Variants in CYP20A1 observed in about 807,000 individuals in gnomAD.
CYP20A1 encodes cytochrome P450 20A1.
In CYP20A1, 61 loss-of-function variants were observed where a neutral mutation model predicts 61.4. The observed-to-expected ratio is 0.99, with a 90% CI of 0.81 to 1.23. The LOEUF is 1.23. CYP20A1 is among the 50% of genes most tolerant of loss of function. The probability of loss-of-function intolerance (pLI) is 0.00; values close to 1 mark genes in which losing one functional copy is unlikely to be tolerated. For synonymous variants in CYP20A1, 193 were observed against 188.2 expected (o/e 1.03, Z -0.21); for missense variants, 530 against 542.4 (o/e 0.98, Z 0.23).
chr2:203,247,654 C>T (rs1157262684), intron 3 of CYP20A1, among the ~76,000 whole-genome samples: 2 of 151,802 alleles, frequency 1.3e-5, no homozygotes, highest in South Asian at 2.1e-4. Flanking sequence ...GTCAGGAGAT[C>T]GAGACCATCC....
intron 1 of CYP20A1, among the ~76,000 whole-genome samples, chr2:203,244,623 G>C (rs373034538): frequency 3.3e-5 from 5 of 151,018 alleles, no homozygotes; most frequent in African/African-American, 1.2e-4. Context: ...CAAAGAAAAC[G>C]ACGAAAAATG....
At position 203,280,128 on chromosome 2, in the gene CYP20A1, ATTTC is replaced by A. The variant is rs1206292465; in HGVS notation, c.850+19_850+22del. On this transcript the variant is annotated intron_variant, in intron 8 of 12. Transcript: ENST00000356079. The stretch of plus-strand genomic sequence containing the variant: ...AACTGCAAAATGTAAGTATAAATTG[ATTTC>A]TTTTTCAGAGGAATTACTAAATATA... 11 of 1,589,162 alleles carry A rather than the reference ATTTC, an allele frequency of 6.9e-6. No homozygotes were observed. The highest frequency in any genetic ancestry group is 1.7e-6 in the Non-Finnish European group (2 of 1,164,244).
chr2:203,269,328 G>A (rs924444823), intron 5 of CYP20A1, among the ~76,000 whole-genome samples: 17 of 142,054 alleles, frequency 1.2e-4, no homozygotes, highest in African/African-American at 3.9e-4. Context: ...TGGCATGCAC[G>A]CCTGTAGTCC....
chr2:203,275,277 G>T (rs2067767942), intron 6 of CYP20A1, among the ~76,000 whole-genome samples: 1 of 152,144 alleles, frequency 6.6e-6, no homozygotes, highest in African/African-American at 2.4e-5. Flanking sequence ...TAAAAATATT[G>T]AAGCCTGACT....
Position 203,299,829 on chromosome 2 carries a change from G to C in CYP20A1, c.*2921G>C, listed in dbSNP as rs56202721. On this transcript the variant is annotated 3_prime_UTR_variant, in exon 13 of 13. Transcript: ENST00000356079. ...GCAGAGGTTGCGGTGAGCCAAGATC[G>C]CGCCATTGCACTCCAGCCTGGGCAA... is the stretch of plus-strand genomic sequence containing the variant. Among the ~76,000 whole-genome samples the C allele has an allele frequency of 3.7e-4, 56 of 151,734 alleles. No individual in the cohort carries two copies. Among genetic ancestry groups the C allele is most frequent in the Non-Finnish European group, 7.4e-4 (50 of 67,956 alleles).
At chr2:203,277,347 CA>C (rs770006366) in intron 6 of CYP20A1, among the ~76,000 whole-genome samples, 3 of 31,690 alleles carry the variant, frequency 9.5e-5, no homozygotes, top group African/African-American at 1.5e-4. Flanking sequence ...CACTCTGTCT[CA>C]AAAAAAAAAA....
At chr2:203,242,803 A>G (rs1276934289) in intron 1 of CYP20A1, among the ~76,000 whole-genome samples, 8 of 151,922 alleles carry the variant, frequency 5.3e-5, no homozygotes, top group Non-Finnish European at 1.2e-4. Flanking sequence ...AAAAAAAAAA[A>G]GCTTAGGTTG....
chr2:203,239,744 C>T (rs1041271279), intron 1 of CYP20A1, among the ~76,000 whole-genome samples: 1 of 152,208 alleles, frequency 6.6e-6, no homozygotes, highest in Non-Finnish European at 1.5e-5. Flanking sequence ...GACGCCTCTG[C>T]GAGCCTCCGG....
intron 1 of CYP20A1, 99 bp downstream of exon 1, chr2:203,239,233 GGCC>G (rs1329349105): frequency 5.8e-6 from 6 of 1,031,560 alleles, no homozygotes; most frequent in African/African-American, 1.6e-5. Context: ...GCAGGGGGCG[GGCC>G]TGAGAGGAGG....
chr2:203,279,747 A>G (rs959599432), intron 7 of CYP20A1, among the ~76,000 whole-genome samples: 1 of 152,206 alleles, frequency 6.6e-6, no homozygotes. Flanking sequence ...ATCATGAACC[A>G]GTAATACTCA....
intron 6 of CYP20A1, among the ~76,000 whole-genome samples, chr2:203,277,086 T>C (rs550087765): frequency 1.8e-4 from 28 of 151,614 alleles, no homozygotes; most frequent in African/African-American, 6.0e-4. Flanking sequence ...TGGTGGCTCA[T>C]GCCTGTAATC....
chr2:203,242,790 C>CAA (rs949662533), intron 1 of CYP20A1, among the ~76,000 whole-genome samples: 3 of 131,656 alleles, frequency 2.3e-5, no homozygotes, highest in Non-Finnish European at 3.3e-5. Context: ...GACCATGTCT[C>CAA]AAAAAAAAAA....
At chr2:203,246,606 A>G in intron 2 of CYP20A1, 149 bp from the exon 3 acceptor site, 1 of 726,220 alleles carries the variant, frequency 1.4e-6, no homozygotes, top group Non-Finnish European at 2.3e-6. Flanking sequence ...CAAGAAGGCA[A>G]ATATAATTGA....
In CYP20A1 at chr2:203,292,311, G is replaced by A. The variant is rs771209164; in HGVS notation, c.1133G>A (p.Trp378Ter). ...GTGGTACTTCAGGATCCTAATACTT[G>A]GCCATCTCCACACAAGTATGAAATA... ...LGVVLQDPNT[W>*]PSPHKFDPDR... The change falls in exon 11 of 13, where the codon TGG (tryptophan) becomes TAG (stop). Residue 378 changes from tryptophan (W) to a stop codon, truncating the protein, a stop_gained. Transcript: ENST00000356079. LOFTEE classifies it high-confidence loss of function. 6.2e-7 allele frequency: 1 copy of A among 1,610,200 alleles called. No individual in the cohort carries two copies.
At chr2:203,263,854 T>G (rs2067231706) in intron 4 of CYP20A1, among the ~76,000 whole-genome samples, 1 of 152,144 alleles carries the variant, frequency 6.6e-6, no homozygotes, top group Non-Finnish European at 1.5e-5. Flanking sequence ...GTAAATAAAA[T>G]GGTGTGCTCT....
At chr2:203,271,082 A>ATTTTTTTTTTTTTTTT (rs1161241853) in intron 5 of CYP20A1, among the ~76,000 whole-genome samples, 2 of 31,632 alleles carry the variant, frequency 6.3e-5, no homozygotes, top group Admixed American at 6.5e-4. Flanking sequence ...ATATATATAT[A>ATTTTTTTTTTTTTTTT]TTTTTTTTTT....
chr2:203,270,953 A>G (rs954922479), intron 5 of CYP20A1, among the ~76,000 whole-genome samples: 2 of 144,554 alleles, frequency 1.4e-5, no homozygotes, highest in East Asian at 2.0e-4. Flanking sequence ...TTGACCTCCC[A>G]AAGTGCTGGG....
intron 3 of CYP20A1, among the ~76,000 whole-genome samples, chr2:203,249,639 G>A (rs192441390): frequency 5.3e-5 from 8 of 152,144 alleles, no homozygotes; most frequent in African/African-American, 1.9e-4. Context: ...GAGGTCAGGA[G>A]TTCGAGACCA....
chr2:203,289,048 T>C (rs2068422036), intron 9 of CYP20A1, among the ~76,000 whole-genome samples: 1 of 152,218 alleles, frequency 6.6e-6, no homozygotes, highest in Admixed American at 6.5e-5. Context: ...TTTACCAGTT[T>C]ATACTTCCAC....
Sources: gnomAD v4.1 joint callset for allele counts (sites outside exome capture counted in the v4.1 genomes callset) on GRCh38, gnomAD v4.1.1 for gene constraint, MANE v1.5 for transcripts, NCBI Gene and HGNC (gene_info 2026-07-23, HGNC 2026-07-21) for gene names.